The following CNTN2 variants were observed in gnomAD, a reference collection of about 807,000 sequenced individuals.
CNTN2 encodes contactin-2.
CNTN2 carries 53 observed loss-of-function variants against 117.5 expected under a neutral mutation model. That is an observed-to-expected ratio of 0.45 (90% CI 0.36 to 0.57). The LOEUF (loss-of-function observed/expected upper bound fraction) is 0.57, where lower values mean the gene tolerates loss of function less well. Ranked by LOEUF, CNTN2 falls within the 20% of genes least tolerant of loss-of-function variation. The probability of loss-of-function intolerance (pLI) is 0.00; values close to 1 mark genes in which losing one functional copy is unlikely to be tolerated. For missense variants in CNTN2, 1,106 were observed against 1,404.3 expected, an observed-to-expected ratio of 0.79 and a Z score of 3.39; for synonymous variants, 530 against 561.7, an observed-to-expected ratio of 0.94 and a Z score of 0.80.
chr1:205,072,250 C>A (rs1428250084), intron 20 of CNTN2, 117 bp downstream of exon 20: 7 of 1,121,502 alleles, frequency 6.2e-6, no homozygotes, highest in South Asian at 3.0e-5. Flanking sequence ...CTGGGCTGAA[C>A]AGAAATTAGG....
Position 205,059,172 on chromosome 1 carries a change from G to A in CNTN2, c.576G>A (p.Leu192=), listed in dbSNP as rs1232729829. 3 of 1,614,100 alleles carry A rather than the reference G, an allele frequency of 1.9e-6. No homozygotes were observed. The African/African-American group carries it at 4.0e-5, about 22-fold the overall frequency. Reference sequence around the variant, plus strand: ...TCGTGTCCCAGACCACAGGGAACCTGTACATTGCCCGAACCAATGCCTCAG... The same window carrying A: ...TCGTGTCCCAGACCACAGGGAACCTATACATTGCCCGAACCAATGCCTCAG... ...RHFVSQTTGN[L]YIARTNASDL... The change falls in exon 6 of 23, where the codon CTG becomes CTA. Residue 192 remains leucine (L), a synonymous_variant. Transcript: ENST00000331830. This position sits in a 1 kb window ranked among gnomAD's most constrained non-coding sequence, Gnocchi z 5.6.
chr1:205,068,848 C>T (rs568657592), intron 16 of CNTN2: 4 of 152,294 alleles, frequency 2.6e-5, no homozygotes, highest in African/African-American at 7.2e-5. Flanking sequence ...ATATTTTGAC[C>T]CCCAGCCAAG....
rs753825605 is a variant in CNTN2 at position 205,069,917 on chromosome 1, G to A, written c.2287G>A (p.Val763Met). 1.2e-6 allele frequency: 2 copies of A among 1,613,806 alleles called. No individual in the cohort carries two copies. Among genetic ancestry groups the A allele is most frequent in the Non-Finnish European group, 1.7e-6 (2 of 1,180,020 alleles). ...CAGCACTCACTGGCAGACCGCCCGG[G>A]TGCCTGGCGCCGATGCCCAGTACTT... is the stretch of plus-strand genomic sequence containing the variant. ...QGSTHWQTARVPGADAQYFVY... is the reference protein window; with the variant it reads ...QGSTHWQTARMPGADAQYFVY... Residue 763 changes from valine (V) to methionine (M), a missense_variant, in exon 18 of 23, where the codon GTG (valine) becomes ATG (methionine). Coordinates refer to ENST00000331830, the MANE Select transcript of CNTN2 (RefSeq NM_005076.5).
In CNTN2 at chr1:205,065,784, T is replaced by G. The variant is rs1343466035; in HGVS notation, c.1696-5T>G. 1 of 1,117,224 alleles carries G rather than the reference T, an allele frequency of 9.0e-7. No homozygotes were observed. The highest frequency in any genetic ancestry group is 1.3e-6 in the Non-Finnish European group (1 of 768,688). The allele number at this position is 1,117,224 out of a possible 1,614,324, so 69.2% of individuals were successfully genotyped here. On this transcript the variant is annotated splice_region_variant and splice_polypyrimidine_tract_variant and intron_variant, in intron 13 of 22. Coordinates refer to ENST00000331830, the MANE Select transcript of CNTN2 (RefSeq NM_005076.5). The surrounding 1 kb of genome is among the most constrained non-coding windows in gnomAD (Gnocchi z 4.1). ...CCTGCTGCCCCTAACTGTCCCCGTG[T>G]GCAGAAGGAGACCATTGGGGATCTG...
At position 205,067,120 on chromosome 1, in the gene CNTN2, C is replaced by A. The variant is rs1376085788; in HGVS notation, c.1995C>A (p.Gly665=). ...TTGCAGATCCTGCAAACATCGAGGG[C>A]AATGCCGAGACTGCACAGGTGCTGG... The part of the protein sequence containing the change: ...QVRTNPANIE[G]NAETAQVLGL... Residue 665 remains glycine (G), a synonymous_variant, in exon 16 of 23, where the codon GGC becomes GGA. Coordinates refer to ENST00000331830, the MANE Select transcript of CNTN2 (RefSeq NM_005076.5). 1 of 1,611,654 alleles carries A rather than the reference C, an allele frequency of 6.2e-7. No homozygotes were observed. Among genetic ancestry groups the A allele is most frequent in the Admixed American group, 1.7e-5 (1 of 59,438 alleles).
Position 205,073,292 on chromosome 1 carries a change from C to G in CNTN2, c.3013+56C>G. On this transcript the variant is annotated intron_variant, in intron 22 of 22. Transcript: ENST00000331830. This position sits in a 1 kb window ranked among gnomAD's most constrained non-coding sequence, Gnocchi z 6.3. ...GAGAGATTCAGGATCCACCCAGATA[C>G]CTGAGAGGATCATTCCCACCCAGGC... 1.9e-6 allele frequency: 3 copies of G among 1,577,844 alleles called. No homozygotes were observed. The highest frequency in any genetic ancestry group is 2.6e-6 in the Non-Finnish European group (3 of 1,154,282).
rs145614195 is a variant in CNTN2 at position 205,071,637 on chromosome 1, C to T, written c.2545-310C>T. 1.8e-3 allele frequency among the ~76,000 whole-genome samples: 270 copies of T among 152,322 alleles called. 1 individual carries two copies. The highest frequency in any genetic ancestry group is 3.0e-3 in the Non-Finnish European group (206 of 68,024). ...TTTCTGTCCCTTAGCAGAATGCCCA[C>T]GGTAGCCCCCCAAGTTAATGAAATG... On this transcript the variant is annotated intron_variant, in intron 19 of 22. Coordinates refer to ENST00000331830, the MANE Select transcript of CNTN2 (RefSeq NM_005076.5).
At position 205,066,585 on chromosome 1, in the gene CNTN2, A is replaced by C; in HGVS notation, c.1961A>C (p.Lys654Thr). Residue 654 changes from lysine to threonine, a missense_variant, in exon 15 of 23, where the codon AAG (lysine) becomes ACG (threonine). Physicochemically the swap from Lys to Thr is moderately conservative, Grantham distance 78 (BLOSUM62 -1). Coordinates refer to ENST00000331830, the MANE Select transcript of CNTN2 (RefSeq NM_005076.5). Reference sequence around the variant, plus strand: ...CGCACTCCACCTGCAGGGAAGTGGAAGCAGGTTCGGACCAGTAAGTGTGAG... The same window carrying C: ...CGCACTCCACCTGCAGGGAAGTGGACGCAGGTTCGGACCAGTAAGTGTGAG... ...QARTPPAGKW[K>T]QVRTNPANIE... 1 of 1,613,986 alleles carries C rather than the reference A, an allele frequency of 6.2e-7. No homozygotes were observed. Among genetic ancestry groups the C allele is most frequent in the Non-Finnish European group, 8.5e-7 (1 of 1,179,994 alleles).
In CNTN2 at chr1:205,075,032, A is replaced by G. The variant is rs1228210271; in HGVS notation, c.*1267A>G. On this transcript the variant is annotated 3_prime_UTR_variant, in exon 23 of 23. Coordinates refer to ENST00000331830, the MANE Select transcript of CNTN2 (RefSeq NM_005076.5). ...AGAGCTCAACTTCTTCAAGCCCCTC[A>G]CTTTACAGATGAGGAAATGGAGGTG... The G allele has an allele frequency of 2.5e-6, 1 of 397,298 alleles. No homozygotes were observed. Among genetic ancestry groups the G allele is most frequent in the African/African-American group, 2.1e-5 (1 of 48,608 alleles). The allele number at this position is 397,298 out of a possible 1,614,324, so 24.6% of individuals were successfully genotyped here. A position where few individuals can be genotyped will look rare whatever the true frequency, so the allele number is the denominator to read the frequency against.
At position 205,053,092 on chromosome 1, in the gene CNTN2, C is replaced by G. The variant is rs1574634564; in HGVS notation, c.-86-8C>G. ...GCTCAGAGCCCTCCTTTCTGTCTGC[C>G]TCCCCAGGTCCTTTCTCAGCCTCCA... On this transcript the variant is annotated splice_region_variant and splice_polypyrimidine_tract_variant and intron_variant, in intron 1 of 22. Transcript: ENST00000331830. 1 of 906,476 alleles carries G rather than the reference C, an allele frequency of 1.1e-6. No homozygotes were observed. Among genetic ancestry groups the G allele is most frequent in the East Asian group, 2.7e-5 (1 of 36,370 alleles). The allele number at this position is 906,476 out of a possible 1,614,324, so 56.2% of individuals were successfully genotyped here.
chr1:205,072,994 T>C, intron 21 of CNTN2, 74 bp from the exon 22 acceptor site: 2 of 1,526,242 alleles, frequency 1.3e-6, no homozygotes, highest in Non-Finnish European at 1.8e-6. Context: ...CTCCTCCCAG[T>C]ACCTAAAGCT....
intron 18 of CNTN2, 57 bp downstream of exon 18, chr1:205,070,118 T>G: frequency 6.5e-7 from 1 of 1,544,662 alleles, no homozygotes; most frequent in Non-Finnish European, 8.9e-7. Flanking sequence ...TCCACAGGGA[T>G]GTGGGGTGGG....
At position 205,048,194 on chromosome 1, in the gene CNTN2, A is replaced by G. The variant is rs1002116678; in HGVS notation, c.-87+4800A>G. On this transcript the variant is annotated intron_variant, in intron 1 of 22. Transcript: ENST00000331830. The surrounding 1 kb of genome is among the most constrained non-coding windows in gnomAD (Gnocchi z 4.1). ...AATCTCTCATTGCTCTCCAATCTCC[A>G]TTACTGGGGAGAAGGGGAGACAGAT... Among the ~76,000 whole-genome samples, 1 of 152,078 alleles carries G rather than the reference A, an allele frequency of 6.6e-6. No individual in the cohort carries two copies. The highest frequency in any genetic ancestry group is 2.4e-5 in the African/African-American group (1 of 41,414).
rs111772884 is a variant in CNTN2, at chr1:205,069,391, G to A, written c.2126-100G>A. 1,748 of 1,168,288 alleles carry A rather than the reference G, an allele frequency of 1.5e-3. 24 individuals are homozygous for A. In the African/African-American group the frequency reaches 0.025, roughly 17 times the overall value. The allele number at this position is 1,168,288 out of a possible 1,614,324, so 72.4% of individuals were successfully genotyped here. A position where few individuals can be genotyped will look rare whatever the true frequency, so the allele number is the denominator to read the frequency against. On this transcript the variant is annotated intron_variant, in intron 16 of 22. Coordinates refer to ENST00000331830, the MANE Select transcript of CNTN2 (RefSeq NM_005076.5). ...GGGGCAAACCCAGGGCCCAGTTGAA[G>A]GGGTTCCCATCTTACGGTGCTCTAC...
Position 205,061,740 on chromosome 1 carries a change from C to A in CNTN2, c.974-125C>A. ...GCCCCCTCCTCTTTGTCCTCTCCAT[C>A]TCAGAATGCTCATGGCGCCCTCTGC... is the stretch of plus-strand genomic sequence containing the variant. On this transcript the variant is annotated intron_variant, in intron 8 of 22. Transcript: ENST00000331830. The surrounding 1 kb of genome is among the most constrained non-coding windows in gnomAD (Gnocchi z 4.8). The A allele has an allele frequency of 1.6e-6, 2 of 1,265,826 alleles. No individual in the cohort carries two copies. The highest frequency in any genetic ancestry group is 2.2e-6 in the Non-Finnish European group (2 of 924,282). 78.4% of individuals were successfully genotyped at this position (1,265,826 alleles called of 1,614,324 possible). A position where few individuals can be genotyped will look rare whatever the true frequency, so the allele number is the denominator to read the frequency against.
intron 10 of CNTN2, chr1:205,063,110 A>G (rs751651689): frequency 6.6e-6 from 1 of 152,308 alleles, no homozygotes; most frequent in Admixed American, 6.5e-5. Context: ...CATAAAATGG[A>G]CACAGTGATA....
chr1:205,069,347 T>C (rs1347659425), intron 16 of CNTN2, 144 bp from the exon 17 acceptor site: 2 of 649,858 alleles, frequency 3.1e-6, no homozygotes, highest in African/African-American at 1.8e-5. Flanking sequence ...CCAAAGCCTA[T>C]GTTCAGAGGG....
In CNTN2 at chr1:205,061,532, C is replaced by T. The variant is rs2151192096; in HGVS notation, c.973+112C>T. On this transcript the variant is annotated intron_variant, in intron 8 of 22. Coordinates refer to ENST00000331830, the MANE Select transcript of CNTN2 (RefSeq NM_005076.5). The surrounding 1 kb of genome is among the most constrained non-coding windows in gnomAD (Gnocchi z 4.8). ...AGGGAGGAGACTGGGAGGCCCCCTG[C>T]ATGAGCCTGCTTGCCCTAGGACTGC... is the stretch of plus-strand genomic sequence containing the variant. 7.9e-7 allele frequency: 1 copy of T among 1,262,310 alleles called. No individual in the cohort carries two copies. Among genetic ancestry groups the T allele is most frequent in the Non-Finnish European group, 1.1e-6 (1 of 928,336 alleles). 78.2% of individuals were successfully genotyped at this position (1,262,310 alleles called of 1,614,324 possible).
chr1:205,071,206 G>A (rs1021577759), intron 19 of CNTN2, among the ~76,000 whole-genome samples: 8 of 152,162 alleles, frequency 5.3e-5, no homozygotes, highest in Non-Finnish European at 7.3e-5. Flanking sequence ...AGCCTGAGCC[G>A]CTCTATGGAC....
Sources: allele counts gnomAD v4.1 joint callset (sites outside exome capture counted in the v4.1 genomes callset), GRCh38; gene constraint gnomAD v4.1.1; non-coding constraint Gnocchi (gnomAD v3.1); transcripts MANE v1.5; gene names NCBI Gene and HGNC (gene_info 2026-07-23, HGNC 2026-07-21).